The following EML1 variants were observed in gnomAD, a reference collection of about 807,000 sequenced individuals.
EML1 encodes the protein EMAP like 1, also known as echinoderm microtubule-associated protein-like 1.
Under a neutral mutation model 110.4 loss-of-function variants are expected in EML1, and 27 were observed. That is an observed-to-expected ratio of 0.24 (90% CI 0.18 to 0.34). EML1 has a LOEUF of 0.34. Among genes scored for constraint, EML1 ranks in the 10% least tolerant of loss-of-function variants. The pLI is 1.00. For synonymous variants in EML1, 344 were observed against 385.8 expected (o/e 0.89, Z 1.27); for missense variants, 741 against 1,030.9 (o/e 0.72, Z 3.85).
At chr14:99,800,302 A>G (rs951713896) in intron 1 of EML1, among the ~76,000 whole-genome samples, 4 of 151,998 alleles carry the variant, frequency 2.6e-5, no homozygotes, top group African/African-American at 9.7e-5. Context: ...TTTTTAAGAA[A>G]TACCTCTTCA....
chr14:99,786,165 G>A (rs1566863544), intron 1 of EML1, among the ~76,000 whole-genome samples: 1 of 152,058 alleles, frequency 6.6e-6, no homozygotes, highest in African/African-American at 2.4e-5. Flanking sequence ...AAAGTGCTCT[G>A]AGGTTACTGT....
rs1228929066 is a variant in EML1 at position 99,900,810 on chromosome 14, A to G, written c.898-119A>G. Reference sequence around the variant, plus strand: ...AAAAGGCAGACTCCTGAAATGCAGAAAAAGATCTTTTGTTTTGACAAAGTC... The same window carrying G: ...AAAAGGCAGACTCCTGAAATGCAGAGAAAGATCTTTTGTTTTGACAAAGTC... On this transcript the variant is annotated intron_variant, in intron 8 of 21. Coordinates refer to ENST00000262233, the MANE Select transcript of EML1 (RefSeq NM_004434.3). 9 of 815,482 alleles carry G rather than the reference A, an allele frequency of 1.1e-5. No individual in the cohort carries two copies. The East Asian group carries it at 2.3e-4, about 21-fold the overall frequency. 50.5% of individuals were successfully genotyped at this position (815,482 alleles called of 1,614,324 possible).
chr14:99,890,265 A>T (rs189252091), intron 4 of EML1, among the ~76,000 whole-genome samples: 35 of 152,284 alleles, frequency 2.3e-4, no homozygotes, highest in African/African-American at 8.4e-4. Context: ...TTTGTATCTT[A>T]AAGCAGGCAG....
At chr14:99,791,661 A>G (rs2057674274), upstream of EML1, among the ~76,000 whole-genome samples, 1 of 152,104 alleles carries the variant, frequency 6.6e-6, no homozygotes, top group Non-Finnish European at 1.5e-5. Context: ...TCATTTCTGG[A>G]GCACTGCAGA....
chr14:99,909,724 G>T (rs780207600), intron 11 of EML1, among the ~76,000 whole-genome samples: 1 of 152,196 alleles, frequency 6.6e-6, no homozygotes, highest in Admixed American at 6.5e-5. Flanking sequence ...GGCACTGGCT[G>T]CAGAGAGTAT....
At chr14:99,796,687 AAAC>A (rs2057781792) in intron 1 of EML1, among the ~76,000 whole-genome samples, 1 of 151,814 alleles carries the variant, frequency 6.6e-6, no homozygotes, top group Admixed American at 6.6e-5. Context: ...GAAAAAAAAA[AAAC>A]CTGAAGTGTT....
At chr14:99,756,535 T>A (rs1051772898) in intron 1 of EML1, among the ~76,000 whole-genome samples, 4 of 151,968 alleles carry the variant, frequency 2.6e-5, no homozygotes, top group African/African-American at 9.7e-5. Context: ...GATAACAGAG[T>A]GAGTAGGTAG....
chr14:99,832,095 T>C (rs1044649146), intron 1 of EML1, among the ~76,000 whole-genome samples: 1 of 152,194 alleles, frequency 6.6e-6, no homozygotes, highest in Non-Finnish European at 1.5e-5. Flanking sequence ...TTGATTAGTT[T>C]GCATTTTGTG....
At chr14:99,857,159 C>T (rs966664732) in intron 2 of EML1, among the ~76,000 whole-genome samples, 12 of 152,014 alleles carry the variant, frequency 7.9e-5, no homozygotes, top group African/African-American at 2.9e-4. Context: ...GTAGCCCCAG[C>T]TATGCTGGTG....
chr14:99,769,049 G>A (rs1240470578), upstream of EML1, among the ~76,000 whole-genome samples: 1 of 152,040 alleles, frequency 6.6e-6, no homozygotes, highest in Non-Finnish European at 1.5e-5. Context: ...AGCAGTTTGG[G>A]GATCCAGGGT....
At position 99,937,958 on chromosome 14, in the gene EML1, C is replaced by T. The variant is rs774013672; in HGVS notation, c.2191+46C>T. 1.9e-6 allele frequency: 3 copies of T among 1,570,146 alleles called. No individual in the cohort carries two copies. The East Asian group carries it at 6.7e-5, about 35-fold the overall frequency. On this transcript the variant is annotated intron_variant, in intron 20 of 21. Coordinates refer to ENST00000262233, the MANE Select transcript of EML1 (RefSeq NM_004434.3). ...ACTGGTTCCAACAAAAGAGTGTCTC[C>T]TTTTAAAATATTTCTTCAGTTGCTA...
intron 2 of EML1, among the ~76,000 whole-genome samples, chr14:99,852,386 G>A (rs1193097461): frequency 2.6e-5 from 4 of 152,144 alleles, no homozygotes; most frequent in East Asian, 1.9e-4. Context: ...AGGCTGAGGC[G>A]GTCAGATCAC....
intron 1 of EML1, among the ~76,000 whole-genome samples, chr14:99,776,693 T>C (rs1185509558): frequency 6.6e-6 from 1 of 152,200 alleles, no homozygotes; most frequent in Non-Finnish European, 1.5e-5. Context: ...TAATTTGTCA[T>C]CACGAGTAAT....
At chr14:99,843,364 C>G (rs886831876) in intron 1 of EML1, among the ~76,000 whole-genome samples, 1 of 152,148 alleles carries the variant, frequency 6.6e-6, no homozygotes, top group East Asian at 1.9e-4. Context: ...TTTGCATAAC[C>G]GTTGAGACAG....
chr14:99,832,362 T>C (rs2058471461), intron 1 of EML1, among the ~76,000 whole-genome samples: 1 of 152,206 alleles, frequency 6.6e-6, no homozygotes, highest in Admixed American at 6.5e-5. Context: ...TCCATGTCTT[T>C]GTATGGATGG....
chr14:99,893,964 TAA>T lies in EML1; in HGVS notation c.548-662_548-661del, dbSNP rs2059631412. On this transcript the variant is annotated intron_variant, in intron 5 of 21. Coordinates refer to ENST00000262233, the MANE Select transcript of EML1 (RefSeq NM_004434.3). ...TTGTCCCTATGATTTATTGAAATATTAAAAGTTATTTTATTATAGAAATGTTC... is the reference window on the plus strand; with the variant it reads ...TTGTCCCTATGATTTATTGAAATATTAAGTTATTTTATTATAGAAATGTTC... Among the ~76,000 whole-genome samples, 5 of 152,246 alleles carry T rather than the reference TAA, an allele frequency of 3.3e-5. No individual in the cohort carries two copies. The South Asian group carries it at 8.3e-4, about 25-fold the overall frequency.
chr14:99,753,077 C>T (rs2140175578), intron 1 of EML1, among the ~76,000 whole-genome samples: 1 of 152,046 alleles, frequency 6.6e-6, no homozygotes, highest in Non-Finnish European at 1.5e-5. Flanking sequence ...AAGAGGGAAG[C>T]AGCGAAGCCG....
chr14:99,829,122 G>T (rs985261482), intron 1 of EML1, among the ~76,000 whole-genome samples: 3 of 152,098 alleles, frequency 2.0e-5, no homozygotes, highest in Non-Finnish European at 4.4e-5. Flanking sequence ...TGTGGTTAAT[G>T]GGGGGGCCAC....
At chr14:99,742,846 GA>G (rs2057059102) in intron 1 of EML1, among the ~76,000 whole-genome samples, 5 of 152,268 alleles carry the variant, frequency 3.3e-5, no homozygotes, top group Middle Eastern at 3.4e-3. Flanking sequence ...TATTGGACGG[GA>G]TGACTCCTTT....
Sources: allele counts gnomAD v4.1 joint callset (sites outside exome capture counted in the v4.1 genomes callset), GRCh38; gene constraint gnomAD v4.1.1; transcripts MANE v1.5; gene names NCBI Gene and HGNC (gene_info 2026-07-23, HGNC 2026-07-21).